The following ANKRD12 variants were observed in gnomAD, a reference collection of about 807,000 sequenced individuals.
The protein encoded by ANKRD12 is ankyrin repeat domain-containing protein 12.
ANKRD12 carries 85 observed loss-of-function variants against 183.4 expected under a neutral mutation model. The observed-to-expected ratio is 0.46, with a 90% CI of 0.39 to 0.56. The LOEUF (loss-of-function observed/expected upper bound fraction) is 0.56, where lower values mean the gene tolerates loss of function less well. ANKRD12 is among the 20% of genes least tolerant of loss of function. The pLI, the probability that ANKRD12 is intolerant of heterozygous loss-of-function variation, is 0.00. For synonymous variants in ANKRD12, 914 were observed against 800.2 expected, an observed-to-expected ratio of 1.14 and a Z score of -2.40; for missense variants, 2,405 against 2,357.1, an observed-to-expected ratio of 1.02 and a Z score of -0.42.
intron 1 of ANKRD12, among the ~76,000 whole-genome samples, chr18:9,149,560 T>C (rs1458065131): frequency 1.3e-5 from 2 of 152,134 alleles, no homozygotes; most frequent in Non-Finnish European, 2.9e-5. Context: ...AAGTTACAAT[T>C]AGAACCCAAG....
intron 2 of ANKRD12, among the ~76,000 whole-genome samples, chr18:9,193,922 A>G (rs2034614368): frequency 6.6e-6 from 1 of 152,208 alleles, no homozygotes; most frequent in Non-Finnish European, 1.5e-5. Flanking sequence ...TTTTGATTAT[A>G]GGAGTGAACT....
At chr18:9,277,608 T>C (rs1305391149) in intron 11 of ANKRD12, among the ~76,000 whole-genome samples, 1 of 152,128 alleles carries the variant, frequency 6.6e-6, no homozygotes, top group East Asian at 1.9e-4. Flanking sequence ...ATTACAGGCG[T>C]GAGCCACCGC....
At chr18:9,212,948 T>A (rs1378504987) in intron 6 of ANKRD12, among the ~76,000 whole-genome samples, 2 of 152,064 alleles carry the variant, frequency 1.3e-5, no homozygotes, top group Middle Eastern at 3.4e-3. Context: ...GTTTTTAATC[T>A]ACAAGAGCCT....
chr18:9,168,800 A>G (rs2032363809), intron 1 of ANKRD12, among the ~76,000 whole-genome samples: 1 of 151,782 alleles, frequency 6.6e-6, no homozygotes, highest in Non-Finnish European at 1.5e-5. Context: ...TAGTTCTTTT[A>G]ATTGTGATGT....
rs907029333 is a variant in ANKRD12 at position 9,284,740 on chromosome 18, T to G, written c.*3614T>G. The G allele has an allele frequency of 1.3e-5, 2 of 151,978 alleles. No individual in the cohort carries two copies. Among genetic ancestry groups the G allele is most frequent in the Non-Finnish European group, 2.9e-5 (2 of 67,980 alleles). 9.4% of individuals were successfully genotyped at this position (151,978 alleles called of 1,614,324 possible). On this transcript the variant is annotated 3_prime_UTR_variant, in exon 13 of 13. Transcript: ENST00000262126. ...TAAAAGTAGAATTCATAGAAAAAACTGAGGCAAATTAAAACAATTCCATTA... is the reference window on the plus strand; with the variant it reads ...TAAAAGTAGAATTCATAGAAAAAACGGAGGCAAATTAAAACAATTCCATTA...
chr18:9,191,258 T>TA (rs1471821377), intron 2 of ANKRD12, among the ~76,000 whole-genome samples: 11 of 152,242 alleles, frequency 7.2e-5, no homozygotes, highest in Non-Finnish European at 1.6e-4. Flanking sequence ...GTGAATTTGA[T>TA]AGAGTATTTC....
chr18:9,271,530 A>C (rs2039605507), intron 10 of ANKRD12, among the ~76,000 whole-genome samples: 1 of 151,990 alleles, frequency 6.6e-6, no homozygotes, highest in Non-Finnish European at 1.5e-5. Flanking sequence ...CAAAAAAAAA[A>C]ATTTTTTTAT....
At chr18:9,236,089 A>G (rs1033800885) in intron 8 of ANKRD12, among the ~76,000 whole-genome samples, 1 of 152,216 alleles carries the variant, frequency 6.6e-6, no homozygotes, top group Non-Finnish European at 1.5e-5. Flanking sequence ...CACGGCTTCA[A>G]CTAAACTATC....
chr18:9,139,246 GC>G (rs1478766058), intron 1 of ANKRD12, among the ~76,000 whole-genome samples: 1 of 152,100 alleles, frequency 6.6e-6, no homozygotes. Flanking sequence ...GGGGAAAAAA[GC>G]CTGAATTTTA....
intron 8 of ANKRD12, among the ~76,000 whole-genome samples, chr18:9,231,252 T>C (rs73394151): frequency 0.014 from 2,103 of 152,234 alleles, 55 homozygotes; most frequent in African/African-American, 0.048. Context: ...GTTCTGAAAG[T>C]GTCTGTTAGG....
chr18:9,270,271 C>T (rs902409325), intron 10 of ANKRD12, among the ~76,000 whole-genome samples: 9 of 151,996 alleles, frequency 5.9e-5, no homozygotes, highest in East Asian at 3.8e-4. Context: ...GGGTATATAC[C>T]GAAAGGATTA....
In ANKRD12 at chr18:9,231,509, T is replaced by C. The variant is rs78174067; in HGVS notation, c.943+9510T>C. Among the ~76,000 whole-genome samples, 118 of 152,266 alleles carry C rather than the reference T, an allele frequency of 7.7e-4. 1 individual carries two copies. Among genetic ancestry groups the C allele is most frequent in the African/African-American group, 2.6e-3 (109 of 41,554 alleles). Reference sequence around the variant, plus strand: ...ATTATATGATTACCTTTTTTGTCTTTTTTTAAACTTTTTTTGACTTAAAGA... The same window carrying C: ...ATTATATGATTACCTTTTTTGTCTTCTTTTAAACTTTTTTTGACTTAAAGA... On this transcript the variant is annotated intron_variant, in intron 8 of 12. Coordinates refer to ENST00000262126, the MANE Select transcript of ANKRD12 (RefSeq NM_015208.5).
intron 10 of ANKRD12, among the ~76,000 whole-genome samples, chr18:9,264,834 C>T (rs1034501896): frequency 6.6e-6 from 1 of 152,192 alleles, no homozygotes; most frequent in East Asian, 1.9e-4. Flanking sequence ...AAAGTCTTGC[C>T]ACCTTACAGT....
intron 1 of ANKRD12, among the ~76,000 whole-genome samples, chr18:9,171,228 A>T (rs139061888): frequency 0.011 from 1,626 of 152,256 alleles, 33 homozygotes; most frequent in African/African-American, 0.038. Flanking sequence ...CTGTCTTCAA[A>T]GCTCAGTTGG....
intron 10 of ANKRD12, among the ~76,000 whole-genome samples, 159 bp from the exon 11 acceptor site, chr18:9,275,365 A>G (rs2039782500): frequency 6.6e-6 from 1 of 152,050 alleles, no homozygotes; most frequent in Non-Finnish European, 1.5e-5. Context: ...CCCAACTACT[A>G]CGGAGGCTGA....
At chr18:9,195,140 A>G (rs539488204) in intron 2 of ANKRD12, among the ~76,000 whole-genome samples, 2 of 152,286 alleles carry the variant, frequency 1.3e-5, no homozygotes, top group East Asian at 3.9e-4. Flanking sequence ...CATTGAGTAC[A>G]CATGGACATG....
chr18:9,137,307 G>A (rs2078140973), intron 1 of ANKRD12, among the ~76,000 whole-genome samples: 1 of 146,524 alleles, frequency 6.8e-6, no homozygotes, highest in Non-Finnish European at 1.5e-5. Flanking sequence ...CGCGGGGCGG[G>A]GCGGGGGCCG....
intron 2 of ANKRD12, among the ~76,000 whole-genome samples, chr18:9,191,973 A>G (rs1295574838): frequency 6.6e-6 from 1 of 152,186 alleles, no homozygotes; most frequent in Non-Finnish European, 1.5e-5. Flanking sequence ...TGTAGAAACT[A>G]CAGTAAAGGC....
chr18:9,218,835 T>C (rs1360322051), intron 7 of ANKRD12, among the ~76,000 whole-genome samples: 1 of 151,910 alleles, frequency 6.6e-6, no homozygotes, highest in Admixed American at 6.6e-5. Flanking sequence ...GCTAGGCTAA[T>C]TTTTAATTTT....
Sources: gnomAD v4.1 joint callset for allele counts (sites outside exome capture counted in the v4.1 genomes callset) on GRCh38, gnomAD v4.1.1 for gene constraint, MANE v1.5 for transcripts, NCBI Gene and HGNC (gene_info 2026-07-23, HGNC 2026-07-21) for gene names.